PCYT1A: variants seen among roughly 807,000 people sequenced by gnomAD.
The protein encoded by PCYT1A is phosphate cytidylyltransferase 1A, choline.
PCYT1A carries 25 observed loss-of-function variants against 43.7 expected under a neutral mutation model. That is an observed-to-expected ratio of 0.57 (90% CI 0.42 to 0.80). PCYT1A has a LOEUF of 0.80. PCYT1A is among the 30% of genes least tolerant of loss of function. The probability of loss-of-function intolerance (pLI) is 0.00; values close to 1 mark genes in which losing one functional copy is unlikely to be tolerated. For missense variants in PCYT1A, 421 were observed against 474.2 expected (o/e 0.89, Z 1.04); for synonymous variants, 172 against 170.7 (o/e 1.01, Z -0.06).
intron 1 of PCYT1A, among the ~76,000 whole-genome samples, chr3:196,271,115 C>G (rs572423348): frequency 6.6e-6 from 1 of 151,934 alleles, no homozygotes; most frequent in African/African-American, 2.4e-5. Context: ...GCTTCAACCT[C>G]GTTAGCTCAA....
At chr3:196,260,527 T>G (rs1725077816) in intron 2 of PCYT1A, among the ~76,000 whole-genome samples, 1 of 152,076 alleles carries the variant, frequency 6.6e-6, no homozygotes, top group African/African-American at 2.4e-5. Context: ...ATACCCAAGA[T>G]AACTGAAAAC....
chr3:196,275,264 T>C (rs1725551554), intron 1 of PCYT1A, among the ~76,000 whole-genome samples: 1 of 152,164 alleles, frequency 6.6e-6, no homozygotes, highest in Non-Finnish European at 1.5e-5. Context: ...CTGGAGGACA[T>C]TATGCTAAGT....
rs115112172 is a variant in PCYT1A, at chr3:196,257,260, C to T, written c.217+528G>A. 9.3e-3 allele frequency among the ~76,000 whole-genome samples: 1,416 copies of T among 152,156 alleles called. 25 individuals carry two copies. Among genetic ancestry groups the T allele is most frequent in the African/African-American group, 0.032 (1,328 of 41,496 alleles). On this transcript the variant is annotated intron_variant, in intron 3 of 8. Coordinates refer to ENST00000431016, the MANE Select transcript of PCYT1A (RefSeq NM_001312673.2). Reference sequence around the variant, plus strand: ...TAATTAATTATGTAAATTAAGCATGCAAATAAAGAGCAAGGGCTTTGAAAA... The same window carrying T: ...TAATTAATTATGTAAATTAAGCATGTAAATAAAGAGCAAGGGCTTTGAAAA...
At chr3:196,275,926 T>C (rs1010539183) in intron 1 of PCYT1A, among the ~76,000 whole-genome samples, 9 of 151,264 alleles carry the variant, frequency 5.9e-5, no homozygotes, top group African/African-American at 1.7e-4. Context: ...TGAAACCCTG[T>C]CTCTACTAAA....
Position 196,235,378 on chromosome 3 carries a change from G to A in PCYT1A, c.*3310C>T, listed in dbSNP as rs913315380. On this transcript the variant is annotated 3_prime_UTR_variant, in exon 9 of 9. Transcript: ENST00000431016. The surrounding 1 kb of genome is among the most constrained non-coding windows in gnomAD (Gnocchi z 4.3). ...TCATCAGTGATCAGAAAGTGGCTAAGTTTCCTTAGCCTCCCTCATATTTTT... is the reference window on the plus strand; with the variant it reads ...TCATCAGTGATCAGAAAGTGGCTAAATTTCCTTAGCCTCCCTCATATTTTT... 1 of 152,232 alleles carries A rather than the reference G, an allele frequency of 6.6e-6. No individual in the cohort carries two copies. The highest frequency in any genetic ancestry group is 2.4e-5 in the African/African-American group (1 of 41,432). 9.4% of individuals were successfully genotyped at this position (152,232 alleles called of 1,614,324 possible).
At chr3:196,241,851 A>G in intron 7 of PCYT1A, 97 bp downstream of exon 7, 1 of 1,445,276 alleles carries the variant, frequency 6.9e-7, no homozygotes, top group South Asian at 1.2e-5. Context: ...GGGAGTGATC[A>G]TCAAAGCCAA....
At position 196,281,109 on chromosome 3, in the gene PCYT1A, A is replaced by G. The variant is rs1353321486; in HGVS notation, c.-11+6506T>C. Among the ~76,000 whole-genome samples, 10 of 152,218 alleles carry G rather than the reference A, an allele frequency of 6.6e-5. No homozygotes were observed. In the East Asian group the frequency reaches 1.9e-3, roughly 29 times the overall value. On this transcript the variant is annotated intron_variant, in intron 1 of 8. Coordinates refer to ENST00000431016, the MANE Select transcript of PCYT1A (RefSeq NM_001312673.2). ...CAATGCCCAGTATTTTTCTATCAGC[A>G]TATCAATGCCCAGTTCCAAAGCCGA...
At position 196,252,111 on chromosome 3, in the gene PCYT1A, C is replaced by T. The variant is rs568994245; in HGVS notation, c.218-3788G>A. ...CCCCGCCACGCCCCGCAGACTACAG[C>T]GCACCCCGCCACGCCCCACTGGCTA... On this transcript the variant is annotated intron_variant, in intron 3 of 8. Coordinates refer to ENST00000431016, the MANE Select transcript of PCYT1A (RefSeq NM_001312673.2). The surrounding 1 kb of genome is among the most constrained non-coding windows in gnomAD (Gnocchi z 4.0). Among the ~76,000 whole-genome samples, 75 of 151,820 alleles carry T rather than the reference C, an allele frequency of 4.9e-4. No homozygotes were observed. In the South Asian group the frequency reaches 0.01, roughly 21 times the overall value.
intron 2 of PCYT1A, among the ~76,000 whole-genome samples, chr3:196,265,359 G>C (rs188076786): frequency 6.6e-6 from 1 of 151,902 alleles, no homozygotes; most frequent in Admixed American, 6.6e-5. Context: ...AGCCACTTGC[G>C]CCCAGCCTGA....
intron 2 of PCYT1A, among the ~76,000 whole-genome samples, chr3:196,263,191 G>A (rs1298910957): frequency 1.3e-5 from 2 of 151,878 alleles, no homozygotes; most frequent in African/African-American, 4.8e-5. Flanking sequence ...ATGATAAAGG[G>A]TCCTCCCGAG....
intron 8 of PCYT1A, 81 bp downstream of exon 8, chr3:196,239,466 G>C (rs536591984): frequency 2.3e-6 from 2 of 866,854 alleles, no homozygotes; most frequent in East Asian, 2.4e-5. Flanking sequence ...TCTCAGTGTC[G>C]ATGCCCCTTC....
At position 196,241,932 on chromosome 3, in the gene PCYT1A, T is replaced by C; in HGVS notation, c.708+16A>G. 3 of 1,614,052 alleles carry C rather than the reference T, an allele frequency of 1.9e-6. No individual in the cohort carries two copies. On this transcript the variant is annotated intron_variant, in intron 7 of 8. Transcript: ENST00000431016. ...CCTACAGAGTCAGGGAACTCTGGGGTAAGGCTGGAACTCACGTTGATAAAG... is the reference window on the plus strand; with the variant it reads ...CCTACAGAGTCAGGGAACTCTGGGGCAAGGCTGGAACTCACGTTGATAAAG...
In PCYT1A at chr3:196,266,779, G is replaced by T. The variant is rs537356797; in HGVS notation, c.117+3636C>A. 2.0e-5 allele frequency among the ~76,000 whole-genome samples: 3 copies of T among 152,002 alleles called. No individual in the cohort carries two copies. In the South Asian group the frequency reaches 6.2e-4, roughly 32 times the overall value. ...GTGGCGGCGCATGCCTGTAGTCCCA[G>T]TTACTCAGGAGGCTAAGGCAGGAGA... On this transcript the variant is annotated intron_variant, in intron 2 of 8. Transcript: ENST00000431016.
chr3:196,256,217 C>A (rs1724946876), intron 3 of PCYT1A, among the ~76,000 whole-genome samples: 1 of 152,186 alleles, frequency 6.6e-6, no homozygotes, highest in South Asian at 2.1e-4. Flanking sequence ...CATTGGCCGG[C>A]GCGGTGGCTC....
At chr3:196,285,709 T>G (rs934237559) in intron 1 of PCYT1A, among the ~76,000 whole-genome samples, 1 of 152,170 alleles carries the variant, frequency 6.6e-6, no homozygotes, top group Non-Finnish European at 1.5e-5. Context: ...CCATGTGGCA[T>G]CCCAATCACC....
At chr3:196,279,137 A>T (rs1725677653) in intron 1 of PCYT1A, among the ~76,000 whole-genome samples, 1 of 151,974 alleles carries the variant, frequency 6.6e-6, no homozygotes, top group African/African-American at 2.4e-5. Context: ...AAACTACAAA[A>T]ATAAGCTGGG....
At chr3:196,245,899 C>T (rs550879860) in intron 5 of PCYT1A, among the ~76,000 whole-genome samples, 8 of 150,326 alleles carry the variant, frequency 5.3e-5, no homozygotes, top group African/African-American at 9.8e-5. Flanking sequence ...TGCGGTGATC[C>T]GAGATCACGC....
intron 1 of PCYT1A, among the ~76,000 whole-genome samples, chr3:196,279,577 C>G (rs1029445676): frequency 1.3e-5 from 2 of 152,176 alleles, no homozygotes; most frequent in Non-Finnish European, 2.9e-5. Flanking sequence ...TACCAGTACA[C>G]ACTGCTTGCC....
In PCYT1A at chr3:196,239,910, G is replaced by A. The variant is rs375068223; in HGVS notation, c.709-175C>T. The A allele has an allele frequency of 7.5e-4, 438 of 580,440 alleles. 5 individuals are homozygous for A. In the South Asian group the frequency reaches 9.7e-3, roughly 13 times the overall value. 36.0% of individuals were successfully genotyped at this position (580,440 alleles called of 1,614,324 possible). A position where few individuals can be genotyped will look rare whatever the true frequency, so the allele number is the denominator to read the frequency against. On this transcript the variant is annotated intron_variant, in intron 7 of 8. Coordinates refer to ENST00000431016, the MANE Select transcript of PCYT1A (RefSeq NM_001312673.2). ...ATAACAGATAAGATATGCTGTGGAT[G>A]CACACACAAGAAGTGGTAATTCTAA...
Sources: allele counts gnomAD v4.1 joint callset (sites outside exome capture counted in the v4.1 genomes callset), GRCh38; gene constraint gnomAD v4.1.1; non-coding constraint Gnocchi (gnomAD v3.1); transcripts MANE v1.5; gene names NCBI Gene and HGNC (gene_info 2026-07-23, HGNC 2026-07-21).